ST3GAL1: variants seen among roughly 807,000 people sequenced by gnomAD.
ST3GAL1 encodes the protein CMP-N-acetylneuraminate-beta-galactosamide-alpha-2,3-sialyltransferase 1.
In ST3GAL1, 16 loss-of-function variants were observed where a neutral mutation model predicts 34.1. That is an observed-to-expected ratio of 0.47 (90% confidence interval 0.32 to 0.71). The LOEUF is 0.71. ST3GAL1 is among the 30% of genes least tolerant of loss of function. The pLI is 0.04. For synonymous variants in ST3GAL1, 191 were observed against 184.7 expected (o/e 1.03, Z -0.28); for missense variants, 353 against 447.4 (o/e 0.79, Z 1.90).
Position 133,464,914 on chromosome 8 carries a change from T to A in ST3GAL1, c.547A>T (p.Thr183Ser), listed in dbSNP as rs1176010370. 2 of 1,613,860 alleles carry A rather than the reference T, an allele frequency of 1.2e-6. No individual in the cohort carries two copies. The highest frequency in any genetic ancestry group is 2.7e-5 in the African/African-American group (2 of 74,878). Reference sequence around the variant, plus strand: ...TACACCAGATGGTGGGTGGTCTTGGTCCCAACATCAGCTTCAAACCCTGCC... The same window carrying A: ...TACACCAGATGGTGGGTGGTCTTGGACCCAACATCAGCTTCAAACCCTGCC... The part of the protein sequence containing the change: ...PTAGFEADVG[T>S]KTTHHLVYPE... Residue 183 changes from threonine (T) to serine (S), a missense_variant, in exon 7 of 10, where the codon ACC becomes TCC. Thr to Ser is a moderately conservative substitution (Grantham distance 58). Transcript: ENST00000522652.
In ST3GAL1 at chr8:133,459,132, T is replaced by C. The variant is rs1314590115; in HGVS notation, c.*632A>G. The C allele has an allele frequency of 6.6e-6, 1 of 152,222 alleles. No individual in the cohort carries two copies. Among genetic ancestry groups the C allele is most frequent in the African/African-American group, 2.4e-5 (1 of 41,426 alleles). The allele number at this position is 152,222 out of a possible 1,614,324, so 9.4% of individuals were successfully genotyped here. On this transcript the variant is annotated 3_prime_UTR_variant, in exon 10 of 10. Transcript: ENST00000522652. The surrounding 1 kb of genome is among the most constrained non-coding windows in gnomAD (Gnocchi z 4.7). ...CTGGTCTTGAACTCCTGGGCTCAAGTGATCCTCCCGCCTCGGCCTCCCAAA... is the reference window on the plus strand; with the variant it reads ...CTGGTCTTGAACTCCTGGGCTCAAGCGATCCTCCCGCCTCGGCCTCCCAAA...
At position 133,457,962 on chromosome 8, in the gene ST3GAL1, C is replaced by G. The variant is rs1480666654; in HGVS notation, c.*1802G>C. On this transcript the variant is annotated 3_prime_UTR_variant, in exon 10 of 10. Transcript: ENST00000522652. ...CAAGAAAGTGGTTTTTCTGCTTAAACATTAGTAACTGGAGCCAACAATCAC... is the reference window on the plus strand; with the variant it reads ...CAAGAAAGTGGTTTTTCTGCTTAAAGATTAGTAACTGGAGCCAACAATCAC... 1 of 152,272 alleles carries G rather than the reference C, an allele frequency of 6.6e-6. No homozygotes were observed. The highest frequency in any genetic ancestry group is 2.4e-5 in the African/African-American group (1 of 41,460). 9.4% of individuals were successfully genotyped at this position (152,272 alleles called of 1,614,324 possible).
At chr8:133,563,220 C>T (rs1049771302) in intron 1 of ST3GAL1, among the ~76,000 whole-genome samples, 3 of 151,944 alleles carry the variant, frequency 2.0e-5, no homozygotes, top group Non-Finnish European at 4.4e-5. Flanking sequence ...AGAGAAAGTA[C>T]TTTATTTGTA....
chr8:133,470,857 C>T (rs1815926645), intron 5 of ST3GAL1, among the ~76,000 whole-genome samples: 1 of 152,150 alleles, frequency 6.6e-6, no homozygotes, highest in African/African-American at 2.4e-5. Context: ...GGTGCCTCAC[C>T]TCACCCTGCA....
chr8:133,529,640 G>A (rs1818086849), intron 2 of ST3GAL1, among the ~76,000 whole-genome samples: 1 of 152,146 alleles, frequency 6.6e-6, no homozygotes, highest in Admixed American at 6.5e-5. Context: ...TCCAGCAAGG[G>A]GCAGTTTTAC....
intron 1 of ST3GAL1, among the ~76,000 whole-genome samples, chr8:133,560,302 TGAC>T (rs1819180473): frequency 6.6e-6 from 1 of 152,004 alleles, no homozygotes; most frequent in Non-Finnish European, 1.5e-5. Flanking sequence ...TCCATCAGCA[TGAC>T]AACTTATAAC....
chr8:133,527,824 A>G (rs1017214996), intron 2 of ST3GAL1, among the ~76,000 whole-genome samples: 3 of 152,100 alleles, frequency 2.0e-5, no homozygotes, highest in African/African-American at 4.8e-5. Context: ...GTCAATCCAG[A>G]TGGGCTCTGG....
intron 1 of ST3GAL1, among the ~76,000 whole-genome samples, chr8:133,567,783 C>T (rs1209929540): frequency 6.6e-6 from 1 of 152,154 alleles, no homozygotes; most frequent in Admixed American, 6.5e-5. Context: ...CTGCCCCAAG[C>T]CAGGGTTGTC....
chr8:133,479,933 G>A (rs1262380539), intron 3 of ST3GAL1, among the ~76,000 whole-genome samples: 2 of 152,182 alleles, frequency 1.3e-5, no homozygotes, highest in Non-Finnish European at 2.9e-5. Context: ...TGTCTTCTCC[G>A]TGCTCTAGCA....
At chr8:133,539,008 T>C (rs1586652323) in intron 2 of ST3GAL1, among the ~76,000 whole-genome samples, 1 of 151,694 alleles carries the variant, frequency 6.6e-6, no homozygotes, top group African/African-American at 2.4e-5. Flanking sequence ...GGCTGTGGGG[T>C]GAAATCTATG....
intron 3 of ST3GAL1, among the ~76,000 whole-genome samples, chr8:133,481,080 C>A (rs1816363808): frequency 6.6e-6 from 1 of 152,120 alleles, no homozygotes; most frequent in Non-Finnish European, 1.5e-5. Context: ...GGGTGTATTT[C>A]TATTGTCTAT....
At chr8:133,464,467 G>C (rs1815648642) in intron 7 of ST3GAL1, among the ~76,000 whole-genome samples, 1 of 152,222 alleles carries the variant, frequency 6.6e-6, no homozygotes, top group African/African-American at 2.4e-5. Flanking sequence ...CAGAAATAAA[G>C]GGAGGCTGAA....
intron 2 of ST3GAL1, 150 bp downstream of exon 2, chr8:133,545,624 C>A (rs1818654251): frequency 6.6e-6 from 1 of 152,224 alleles, no homozygotes; most frequent in Non-Finnish European, 1.5e-5. Flanking sequence ...CTCTTAATGG[C>A]ACGTTTCTGG....
chr8:133,534,368 T>C (rs1482836142), intron 2 of ST3GAL1, among the ~76,000 whole-genome samples: 1 of 151,272 alleles, frequency 6.6e-6, no homozygotes, highest in Non-Finnish European at 1.5e-5. Context: ...AATATATATA[T>C]GGACATATAT....
At chr8:133,465,371 C>T (rs1815695401) in intron 6 of ST3GAL1, among the ~76,000 whole-genome samples, 1 of 152,146 alleles carries the variant, frequency 6.6e-6, no homozygotes, top group South Asian at 2.1e-4. Context: ...AGAGACTATT[C>T]TAGAAGGCTG....
intron 1 of ST3GAL1, among the ~76,000 whole-genome samples, chr8:133,549,329 G>A (rs1818757506): frequency 6.6e-6 from 1 of 151,674 alleles, no homozygotes; most frequent in Non-Finnish European, 1.5e-5. Flanking sequence ...TAGAACCCAG[G>A]AGGTGGAGGT....
At chr8:133,540,495 G>T (rs1271039588) in intron 2 of ST3GAL1, among the ~76,000 whole-genome samples, 1 of 152,044 alleles carries the variant, frequency 6.6e-6, no homozygotes, top group African/African-American at 2.4e-5. Context: ...AATGACAGCA[G>T]CCACAGCCCC....
chr8:133,491,555 C>T (rs975657628), intron 3 of ST3GAL1, among the ~76,000 whole-genome samples: 13 of 81,880 alleles, frequency 1.6e-4, no homozygotes, highest in African/African-American at 4.2e-4. Context: ...CTTAAAGAGG[C>T]CCCTTTCTCC....
chr8:133,481,175 T>C (rs925818543), intron 3 of ST3GAL1, among the ~76,000 whole-genome samples: 1 of 152,230 alleles, frequency 6.6e-6, no homozygotes, highest in Non-Finnish European at 1.5e-5. Context: ...ATGACAAAAA[T>C]GCAGAGGCTC....
Sources: gnomAD v4.1 joint callset for allele counts (sites outside exome capture counted in the v4.1 genomes callset) on GRCh38, gnomAD v4.1.1 for gene constraint, Gnocchi (gnomAD v3.1) non-coding constraint, MANE v1.5 for transcripts, NCBI Gene and HGNC (gene_info 2026-07-23, HGNC 2026-07-21) for gene names.